Variants in IFT140 observed in about 807,000 individuals in gnomAD.
IFT140 encodes intraflagellar transport 140.
A neutral mutation model predicts 164.6 loss-of-function variants in IFT140; 133 were observed. The ratio of observed to expected loss-of-function variants is 0.81; its 90% confidence interval spans 0.70 to 0.93. The LOEUF (loss-of-function observed/expected upper bound fraction) is 0.93, where lower values mean the gene tolerates loss of function less well. Among genes scored for constraint, IFT140 ranks in the 40% least tolerant of loss-of-function variants. The pLI, the probability that IFT140 is intolerant of heterozygous loss-of-function variation, is 0.00. For missense variants in IFT140, 2,045 were observed against 1,972.3 expected, an observed-to-expected ratio of 1.04 and a Z score of -0.70; for synonymous variants, 860 against 817.3, an observed-to-expected ratio of 1.05 and a Z score of -0.89.
intron 26 of IFT140, among the ~76,000 whole-genome samples, chr16:1,521,804 T>A (rs1460656194): frequency 6.7e-6 from 1 of 150,196 alleles, no homozygotes; most frequent in Non-Finnish European, 1.5e-5. Flanking sequence ...GAGGATCACT[T>A]GGGCCTAGGA....
At chr16:1,589,897 T>C (rs1317510705) in intron 6 of IFT140, 117 bp from the exon 7 acceptor site, 3 of 944,118 alleles carry the variant, frequency 3.2e-6, no homozygotes, top group East Asian at 2.6e-5. Flanking sequence ...GCATCTTCAG[T>C]ATAAGAACTT....
At chr16:1,568,436 T>G in intron 14 of IFT140, 102 bp from the exon 15 acceptor site, 2 of 932,330 alleles carry the variant, frequency 2.1e-6, no homozygotes, top group Non-Finnish European at 3.3e-6. Context: ...TGCACAGCTC[T>G]TAGGCTGCTT....
chr16:1,567,698 AAGGGAAGGAACC>A (rs987626624), intron 15 of IFT140, among the ~76,000 whole-genome samples: 2 of 152,162 alleles, frequency 1.3e-5, no homozygotes, highest in African/African-American at 4.8e-5. Context: ...GCACCAGCGG[AAGGGAAGGAACC>A]AGGGAAGGAA....
intron 19 of IFT140, among the ~76,000 whole-genome samples, chr16:1,528,358 TGTGCACACACACGCATGCAC>T (rs2141197924): frequency 7.7e-6 from 1 of 129,432 alleles, no homozygotes; most frequent in South Asian, 2.3e-4. Context: ...TGCACGCACG[TGTGCACACACACGCATGCAC>T]GCACGTGTGC....
chr16:1,611,535 C>A (rs1450823263), intron 1 of IFT140, among the ~76,000 whole-genome samples: 6 of 148,736 alleles, frequency 4.0e-5, no homozygotes, highest in Non-Finnish European at 8.9e-5. Context: ...GGAATTTGAG[C>A]CGGGCGCGGT....
chr16:1,557,002 G>C lies in IFT140; in HGVS notation c.2399+933C>G, dbSNP rs570768453. ...GTTTTTGTATTTTTAGTAGAGATGG[G>C]GGGGCGGTTCTCCATGTTGGTCAGG... is the stretch of plus-strand genomic sequence containing the variant. On this transcript the variant is annotated intron_variant, in intron 19 of 30. Transcript: ENST00000426508. Among the ~76,000 whole-genome samples, 6 of 152,158 alleles carry C rather than the reference G, an allele frequency of 3.9e-5. No individual in the cohort carries two copies. The South Asian group carries it at 8.3e-4, about 21-fold the overall frequency.
chr16:1,611,576 A>T (rs1041986531), intron 1 of IFT140, among the ~76,000 whole-genome samples: 4 of 151,852 alleles, frequency 2.6e-5, no homozygotes, highest in Admixed American at 2.6e-4. Flanking sequence ...GTACTTTGGG[A>T]GGCTGAGACG....
intron 19 of IFT140, chr16:1,534,101 A>G: frequency 2.7e-6 from 2 of 739,278 alleles, no homozygotes; most frequent in Non-Finnish European, 4.2e-6. Context: ...AAGGAGGATA[A>G]GGCCGGGCCG....
At chr16:1,597,711 T>C (rs2035534990) in intron 4 of IFT140, among the ~76,000 whole-genome samples, 1 of 152,258 alleles carries the variant, frequency 6.6e-6, no homozygotes, top group Admixed American at 6.5e-5. Flanking sequence ...CTCTTAAATA[T>C]TCTGACTCAC....
At chr16:1,552,386 G>A (rs2032724800) in intron 19 of IFT140, among the ~76,000 whole-genome samples, 1 of 151,924 alleles carries the variant, frequency 6.6e-6, no homozygotes, top group Admixed American at 6.6e-5. Flanking sequence ...GCTCTCCGCT[G>A]TGCCTGCCCT....
At position 1,523,958 on chromosome 16, in the gene IFT140, T is replaced by G. The variant is rs1379071341; in HGVS notation, c.3142-2A>C. On this transcript the variant is annotated splice_acceptor_variant, in intron 24 of 30. Coordinates refer to ENST00000426508, the MANE Select transcript of IFT140 (RefSeq NM_014714.4). LOFTEE classifies it high-confidence loss of function. ...GAGCTGGTCGTCCAGGCCGTTCTCCTGCAGGGAGGGAGGCAGGGCCCTGAA... is the reference window on the plus strand; with the variant it reads ...GAGCTGGTCGTCCAGGCCGTTCTCCGGCAGGGAGGGAGGCAGGGCCCTGAA... 6.2e-7 allele frequency: 1 copy of G among 1,611,010 alleles called. No homozygotes were observed. The highest frequency in any genetic ancestry group is 8.5e-7 in the Non-Finnish European group (1 of 1,179,814).
rs894714149 is a variant in IFT140 at position 1,589,866 on chromosome 16, T to C, written c.635-86A>G. On this transcript the variant is annotated intron_variant, in intron 6 of 30. Transcript: ENST00000426508. ...TCACCAGCAGCCATTTCTATCAACT[T>C]AAGGACATTTTCAAAGCAAAGCATC... 5.6e-6 allele frequency: 7 copies of C among 1,245,630 alleles called. No homozygotes were observed. In the Admixed American group the frequency reaches 1.2e-4, roughly 22 times the overall value. The allele number at this position is 1,245,630 out of a possible 1,614,324, so 77.2% of individuals were successfully genotyped here. A position where few individuals can be genotyped will look rare whatever the true frequency, so the allele number is the denominator to read the frequency against.
intron 19 of IFT140, chr16:1,541,545 G>A: frequency 1.0e-6 from 1 of 974,568 alleles, no homozygotes; most frequent in Non-Finnish European, 1.2e-6. Flanking sequence ...AGGGAAGCCG[G>A]TGTTGCTGGT....
chr16:1,594,812 C>T (rs773731053), intron 4 of IFT140, among the ~76,000 whole-genome samples: 1 of 152,228 alleles, frequency 6.6e-6, no homozygotes, highest in Non-Finnish European at 1.5e-5. Flanking sequence ...CTCTTCCGCT[C>T]AGACGCCAAG....
At chr16:1,554,354 G>C (rs1441720641) in intron 19 of IFT140, among the ~76,000 whole-genome samples, 1 of 152,254 alleles carries the variant, frequency 6.6e-6, no homozygotes, top group East Asian at 1.9e-4. Context: ...AAAAGTCAGA[G>C]ATGGATTTAA....
intron 24 of IFT140, 75 bp downstream of exon 24, chr16:1,524,477 T>C: frequency 1.3e-6 from 2 of 1,559,188 alleles, no homozygotes; most frequent in Non-Finnish European, 1.7e-6. Context: ...CGATTCTCTC[T>C]GTCCACTTTT....
intron 9 of IFT140, 54 bp downstream of exon 9, chr16:1,587,144 G>A (rs1353015429): frequency 2.3e-5 from 26 of 1,113,132 alleles, no homozygotes; most frequent in Middle Eastern, 2.0e-4. Flanking sequence ...TGCAGCCGGC[G>A]CACAATGCTT....
chr16:1,605,626 G>C (rs1023135478), intron 3 of IFT140, among the ~76,000 whole-genome samples: 4 of 152,044 alleles, frequency 2.6e-5, no homozygotes, highest in African/African-American at 9.7e-5. Flanking sequence ...GGATGGTCTT[G>C]ATCTCCTGAC....
At chr16:1,542,090 C>G (rs765059177) in intron 19 of IFT140, 25 of 1,586,386 alleles carry the variant, frequency 1.6e-5, no homozygotes, top group Non-Finnish European at 2.1e-5. Context: ...AGTACCTGGG[C>G]GGGTGTGGCC....
Sources: allele counts gnomAD v4.1 joint callset (sites outside exome capture counted in the v4.1 genomes callset), GRCh38; gene constraint gnomAD v4.1.1; transcripts MANE v1.5; gene names NCBI Gene and HGNC (gene_info 2026-07-23, HGNC 2026-07-21).